The following CRCP variants were observed in gnomAD, a reference collection of about 807,000 sequenced individuals.
CRCP encodes CGRP receptor component.
In CRCP, 18 loss-of-function variants were observed where a neutral mutation model predicts 18.5. The observed-to-expected ratio is 0.97, with a 90% CI of 0.67 to 1.44. The LOEUF (loss-of-function observed/expected upper bound fraction) is 1.44. CRCP is among the 40% of genes most tolerant of loss of function. The pLI, the probability that CRCP is intolerant of heterozygous loss-of-function variation, is 0.00. For synonymous variants in CRCP, 53 were observed against 62.9 expected (o/e 0.84, Z 0.75); for missense variants, 130 against 176.4 (o/e 0.74, Z 1.49).
chr7:66,143,582 G>A (rs1295800914), intron 4 of CRCP, among the ~76,000 whole-genome samples: 1 of 152,118 alleles, frequency 6.6e-6, no homozygotes, highest in Non-Finnish European at 1.5e-5. Flanking sequence ...TGAGTCTAGA[G>A]TAAACATTTG....
At chr7:66,135,809 T>C (rs530903993) in intron 4 of CRCP, among the ~76,000 whole-genome samples, 3 of 152,066 alleles carry the variant, frequency 2.0e-5, no homozygotes, top group African/African-American at 7.2e-5. Flanking sequence ...TAATCCCAAC[T>C]ACTAGGGAGG....
At chr7:66,131,695 G>T (rs190677908) in intron 3 of CRCP, among the ~76,000 whole-genome samples, 4 of 151,702 alleles carry the variant, frequency 2.6e-5, no homozygotes, top group Non-Finnish European at 5.9e-5. Flanking sequence ...CAAAATCTGT[G>T]TAATCATGAG....
At chr7:66,142,131 C>T (rs1788159476) in intron 4 of CRCP, among the ~76,000 whole-genome samples, 1 of 152,174 alleles carries the variant, frequency 6.6e-6, no homozygotes, top group Non-Finnish European at 1.5e-5. Flanking sequence ...AGAAAACTAA[C>T]CGGAATGAAC....
chr7:66,135,235 C>G lies in CRCP; in HGVS notation c.239+861C>G, dbSNP rs189598192. Among the ~76,000 whole-genome samples, 43 of 152,274 alleles carry G rather than the reference C, an allele frequency of 2.8e-4. No homozygotes were observed. The East Asian group carries it at 6.6e-3, about 23-fold the overall frequency. On this transcript the variant is annotated intron_variant, in intron 4 of 5. Transcript: ENST00000395326. ...TCTTAAAGCAGGACCTCTCTAGCCT[C>G]CCATTATCTAGATGAAAATGAGCTT...
At chr7:66,152,147 A>C in intron 5 of CRCP, 61 bp from the exon 6 acceptor site, 2 of 1,592,338 alleles carry the variant, frequency 1.3e-6, no homozygotes, top group Non-Finnish European at 1.7e-6. Flanking sequence ...CACAGTGGGC[A>C]GGGCTGCCCA....
At chr7:66,139,603 G>A (rs1414397516) in intron 4 of CRCP, among the ~76,000 whole-genome samples, 4 of 152,292 alleles carry the variant, frequency 2.6e-5, no homozygotes, top group South Asian at 2.1e-4. Context: ...GTTTTAGGAG[G>A]CTGTCAATCC....
intron 5 of CRCP, among the ~76,000 whole-genome samples, chr7:66,151,504 G>A (rs1458366936): frequency 1.3e-5 from 2 of 152,080 alleles, no homozygotes; most frequent in African/African-American, 4.8e-5. Context: ...GAGAGGCGGA[G>A]GTTGCAGTGA....
chr7:66,134,190 A>G (rs1230500820), intron 3 of CRCP, 90 bp from the exon 4 acceptor site: 4 of 1,047,576 alleles, frequency 3.8e-6, no homozygotes, highest in Middle Eastern at 3.1e-4. Context: ...AAAATTTTAG[A>G]ATTTTAATTA....
intron 1 of CRCP, among the ~76,000 whole-genome samples, chr7:66,126,181 C>G (rs1228974576): frequency 6.7e-6 from 1 of 149,292 alleles, no homozygotes; most frequent in Non-Finnish European, 1.5e-5. Flanking sequence ...GATTATAGTG[C>G]TGACATCACT....
At chr7:66,117,938 T>C (rs1043028503) in intron 1 of CRCP, among the ~76,000 whole-genome samples, 1 of 152,174 alleles carries the variant, frequency 6.6e-6, no homozygotes, top group African/African-American at 2.4e-5. Flanking sequence ...TCTGGTATAC[T>C]TTCCTCCTCG....
intron 4 of CRCP, among the ~76,000 whole-genome samples, chr7:66,137,038 G>A (rs1300277947): frequency 2.0e-5 from 3 of 151,518 alleles, no homozygotes; most frequent in South Asian, 2.1e-4. Flanking sequence ...CCGAGATTGC[G>A]CCACTGCACT....
At chr7:66,146,734 TTC>T (rs1306349108) in intron 5 of CRCP, among the ~76,000 whole-genome samples, 2 of 152,296 alleles carry the variant, frequency 1.3e-5, no homozygotes, top group African/African-American at 4.8e-5. Flanking sequence ...AAGGGTGCCT[TTC>T]TCTGGGAACC....
intron 3 of CRCP, among the ~76,000 whole-genome samples, chr7:66,132,378 A>G (rs1178477694): frequency 6.6e-6 from 1 of 152,172 alleles, no homozygotes; most frequent in Middle Eastern, 3.2e-3. Context: ...AGTCTCGTCA[A>G]GTATTTTGTA....
chr7:66,135,877 C>T (rs563561309), intron 4 of CRCP, among the ~76,000 whole-genome samples: 71 of 151,868 alleles, frequency 4.7e-4, no homozygotes, highest in African/African-American at 1.6e-3. Flanking sequence ...GCCAAGATCG[C>T]GCCCTTGCGC....
Position 66,129,254 on chromosome 7 carries a change from A to ACC in CRCP, c.46-1488_46-1487dup, listed in dbSNP as rs534038997. Among the ~76,000 whole-genome samples, 15 of 152,224 alleles carry ACC rather than the reference A, an allele frequency of 9.9e-5. No homozygotes were observed. The South Asian group carries it at 3.1e-3, about 32-fold the overall frequency. On this transcript the variant is annotated intron_variant, in intron 2 of 5. Transcript: ENST00000395326. ...AGGCTCAGGCAGGAGAATGGCGTGAACCCGGGGGGTGGAGCCTGCAGTGAG... is the reference window on the plus strand; with the variant it reads ...AGGCTCAGGCAGGAGAATGGCGTGAACCCCCGGGGGGTGGAGCCTGCAGTGAG...
At chr7:66,129,158 CCCG>C (rs1405032396) in intron 2 of CRCP, among the ~76,000 whole-genome samples, 9 of 151,982 alleles carry the variant, frequency 5.9e-5, no homozygotes, top group Non-Finnish European at 1.3e-4. Flanking sequence ...ACGGTGAAAC[CCCG>C]TCTCTACTAA....
At chr7:66,121,298 G>T (rs575856276) in intron 1 of CRCP, among the ~76,000 whole-genome samples, 60 of 152,022 alleles carry the variant, frequency 3.9e-4, no homozygotes, top group African/African-American at 1.4e-3. Flanking sequence ...TGATTCTACC[G>T]CCTCGGCCTC....
At chr7:66,131,011 G>C (rs1787785922) in intron 3 of CRCP, among the ~76,000 whole-genome samples, 169 bp downstream of exon 3, 1 of 152,172 alleles carries the variant, frequency 6.6e-6, no homozygotes, top group Non-Finnish European at 1.5e-5. Flanking sequence ...GTCTCGCTCT[G>C]TCGCCCAGGC....
intron 1 of CRCP, among the ~76,000 whole-genome samples, chr7:66,117,369 AC>A (rs2115841329): frequency 6.6e-6 from 1 of 151,766 alleles, no homozygotes; most frequent in East Asian, 1.9e-4. Flanking sequence ...CAGTCCTGGG[AC>A]CCTTTCTCTC....
Sources: allele counts gnomAD v4.1 joint callset (sites outside exome capture counted in the v4.1 genomes callset), GRCh38; gene constraint gnomAD v4.1.1; transcripts MANE v1.5; gene names NCBI Gene and HGNC (gene_info 2026-07-23, HGNC 2026-07-21).